Variants in PPP3CB observed in about 807,000 individuals in gnomAD.
PPP3CB encodes the protein serine/threonine-protein phosphatase 2B catalytic subunit beta isoform.
Under a neutral mutation model 66.4 loss-of-function variants are expected in PPP3CB, and 8 were observed. That is an observed-to-expected ratio of 0.12 (90% CI 0.07 to 0.22). PPP3CB has a LOEUF of 0.22. Among genes scored for constraint, PPP3CB ranks in the 10% least tolerant of loss-of-function variants. The probability of loss-of-function intolerance (pLI) is 1.00; values close to 1 mark genes in which losing one functional copy is unlikely to be tolerated. For missense variants in PPP3CB, 319 were observed against 642.5 expected, an observed-to-expected ratio of 0.50 and a Z score of 5.44; for synonymous variants, 208 against 221.2, an observed-to-expected ratio of 0.94 and a Z score of 0.53.
At chr10:73,454,070 C>T (rs2056386685) in intron 10 of PPP3CB, among the ~76,000 whole-genome samples, 1 of 152,092 alleles carries the variant, frequency 6.6e-6, no homozygotes, top group African/African-American at 2.4e-5. Flanking sequence ...GAATATTGTT[C>T]TAATAAAACA....
chr10:73,494,139 T>C (rs1422343939), intron 1 of PPP3CB, among the ~76,000 whole-genome samples: 1 of 152,020 alleles, frequency 6.6e-6, no homozygotes, highest in African/African-American at 2.4e-5. Context: ...GATTTCTTGA[T>C]AGAATGAATG....
At position 73,449,799 on chromosome 10, in the gene PPP3CB, A is replaced by AGCT. The variant is rs1250864093; in HGVS notation, c.1187-3229_1187-3227dup. Among the ~76,000 whole-genome samples the AGCT allele has an allele frequency of 2.0e-5, 3 of 150,716 alleles. No individual in the cohort carries two copies. In the East Asian group the frequency reaches 5.8e-4, roughly 29 times the overall value. ...CAGTCTTATGCCTTTACCTAATCTTAGCTTTTTTTTTTTTGAGACCGAGTC... is the reference window on the plus strand; with the variant it reads ...CAGTCTTATGCCTTTACCTAATCTTAGCTGCTTTTTTTTTTTTGAGACCGAGTC... On this transcript the variant is annotated intron_variant, in intron 10 of 13. Coordinates refer to ENST00000360663, the MANE Select transcript of PPP3CB (RefSeq NM_021132.4).
chr10:73,478,560 G>A lies in PPP3CB; in HGVS notation c.350C>T (p.Pro117Leu). The A allele has an allele frequency of 6.2e-7, 1 of 1,609,508 alleles. No homozygotes were observed. Among genetic ancestry groups the A allele is most frequent in the Non-Finnish European group, 8.5e-7 (1 of 1,175,980 alleles). ...LMKLFEVGGSPANTRYLFLGD... is the reference protein window; with the variant it reads ...LMKLFEVGGSLANTRYLFLGD... ...AAGAAAAAGGTATCGTGTATTAGCA[G>A]GTGATCCTCCTACTTCAAAAAGTTT... Residue 117 changes from proline to leucine, a missense_variant, in exon 3 of 14, where the codon CCT becomes CTT. This residue lies in a region of PPP3CB where 51 missense variants were observed against 139.6 expected (regional missense o/e 0.37). Transcript: ENST00000360663.
At chr10:73,451,526 G>C (rs112445714) in intron 10 of PPP3CB, among the ~76,000 whole-genome samples, 15 of 152,020 alleles carry the variant, frequency 9.9e-5, no homozygotes, top group African/African-American at 3.6e-4. Flanking sequence ...TAGAGCAAGA[G>C]TTCTTGGTCT....
intron 4 of PPP3CB, among the ~76,000 whole-genome samples, chr10:73,472,652 C>T (rs971964198): frequency 2.0e-5 from 3 of 152,092 alleles, no homozygotes; most frequent in Non-Finnish European, 4.4e-5. Flanking sequence ...ATTCTTATTA[C>T]AGGCAAGATG....
At chr10:73,480,436 T>C (rs144037464) in intron 1 of PPP3CB, among the ~76,000 whole-genome samples, 2 of 150,178 alleles carry the variant, frequency 1.3e-5, no homozygotes, top group Non-Finnish European at 3.0e-5. Flanking sequence ...AATTTATCCC[T>C]GTAATTTTTT....
At chr10:73,477,799 C>T (rs559855168) in intron 3 of PPP3CB, among the ~76,000 whole-genome samples, 10 of 152,096 alleles carry the variant, frequency 6.6e-5, no homozygotes, top group African/African-American at 2.4e-4. Flanking sequence ...TACCTGTGGT[C>T]CCAGCTATTT....
Position 73,445,675 on chromosome 10 carries a change from C to T in PPP3CB, c.1268+817G>A, listed in dbSNP as rs562680740. Among the ~76,000 whole-genome samples, 7 of 151,902 alleles carry T rather than the reference C, an allele frequency of 4.6e-5. No individual in the cohort carries two copies. The South Asian group carries it at 1.3e-3, about 27-fold the overall frequency. Reference sequence around the variant, plus strand: ...TGTTTCCTAGCCTGGTCTTGAACTCCGCCCGCTTTGGCCTCCCAAAGTGTT... The same window carrying T: ...TGTTTCCTAGCCTGGTCTTGAACTCTGCCCGCTTTGGCCTCCCAAAGTGTT... On this transcript the variant is annotated intron_variant, in intron 11 of 13. Coordinates refer to ENST00000360663, the MANE Select transcript of PPP3CB (RefSeq NM_021132.4).
intron 9 of PPP3CB, among the ~76,000 whole-genome samples, chr10:73,461,486 G>A (rs1431145956): frequency 6.6e-6 from 1 of 152,072 alleles, no homozygotes; most frequent in Admixed American, 6.6e-5. Flanking sequence ...TGCCTGCTGG[G>A]TTTCAGACTT....
chr10:73,476,566 G>A (rs1384360431), intron 3 of PPP3CB, among the ~76,000 whole-genome samples: 5 of 149,948 alleles, frequency 3.3e-5, no homozygotes, highest in African/African-American at 1.2e-4. Context: ...GCAGTGAGCC[G>A]AGATCACGCC....
At chr10:73,462,949 C>CAAAAA (rs10569079) in intron 9 of PPP3CB, among the ~76,000 whole-genome samples, 2 of 58,820 alleles carry the variant, frequency 3.4e-5, no homozygotes, top group Admixed American at 3.1e-4. Context: ...GACTCTGTCT[C>CAAAAA]AAAAAAAAAA....
At chr10:73,464,661 G>T (rs1352992722) in intron 9 of PPP3CB, among the ~76,000 whole-genome samples, 4 of 152,190 alleles carry the variant, frequency 2.6e-5, no homozygotes, top group African/African-American at 9.7e-5. Context: ...GTTTTTGGCA[G>T]TGGCTCACAC....
intron 4 of PPP3CB, 109 bp downstream of exon 4, chr10:73,474,810 T>C: frequency 1.4e-6 from 2 of 1,426,122 alleles, no homozygotes; most frequent in East Asian, 2.5e-5. Context: ...TGTGTGGACA[T>C]GAAATCTGTC....
intron 9 of PPP3CB, among the ~76,000 whole-genome samples, chr10:73,458,792 G>A (rs750857287): frequency 2.6e-5 from 4 of 151,874 alleles, no homozygotes; most frequent in Non-Finnish European, 5.9e-5. Flanking sequence ...AGCTAAGGCC[G>A]GGCGCAGTGG....
intron 3 of PPP3CB, among the ~76,000 whole-genome samples, chr10:73,476,391 C>A (rs2056789300): frequency 1.3e-5 from 2 of 152,070 alleles, no homozygotes; most frequent in Non-Finnish European, 2.9e-5. Context: ...CCGAGGCAGG[C>A]AGATCACCTG....
At position 73,456,728 on chromosome 10, in the gene PPP3CB, ACT is replaced by A. The variant is rs143012744; in HGVS notation, c.1109-2241_1109-2240del. Among the ~76,000 whole-genome samples the A allele has an allele frequency of 7.8e-3, 1,192 of 152,238 alleles. 19 individuals carry two copies. Among genetic ancestry groups the A allele is most frequent in the African/African-American group, 0.027 (1,112 of 41,526 alleles). On this transcript the variant is annotated intron_variant, in intron 9 of 13. Coordinates refer to ENST00000360663, the MANE Select transcript of PPP3CB (RefSeq NM_021132.4). ...TCAAACACCTAATGTAAGAACTAAA[ACT>A]CTCAGAAAAAAACGGGCAAATCTTT... is the stretch of plus-strand genomic sequence containing the variant.
rs58404946 is a variant in PPP3CB, at chr10:73,485,950, G to GTGTGTGTGTGTGTGTGTGTA, written c.86-6434_86-6433insTACACACACACACACACACA. Among the ~76,000 whole-genome samples, 212 of 124,678 alleles carry GTGTGTGTGTGTGTGTGTGTA rather than the reference G, an allele frequency of 1.7e-3. 6 individuals carry two copies. Among genetic ancestry groups the GTGTGTGTGTGTGTGTGTGTA allele is most frequent in the East Asian group, 0.013 (43 of 3,298 alleles). The allele number at this position is 124,678 out of a possible 152,430, so 81.8% of individuals were successfully genotyped here. A position where few individuals can be genotyped will look rare whatever the true frequency, so the allele number is the denominator to read the frequency against. ...TGTGTGTGTGTGTGTGTGTGTGTGT[G>GTGTGTGTGTGTGTGTGTGTA]TATTTTTTTTTTTCAGATGCAGTCT... On this transcript the variant is annotated intron_variant, in intron 1 of 13. Transcript: ENST00000360663.
chr10:73,488,505 C>T (rs1417170608), intron 1 of PPP3CB, among the ~76,000 whole-genome samples: 2 of 146,642 alleles, frequency 1.4e-5, no homozygotes, highest in African/African-American at 2.5e-5. Context: ...ATGATCATGG[C>T]GCTGCACTAC....
Position 73,471,126 on chromosome 10 carries a change from T to C in PPP3CB, c.753A>G (p.Glu251=). Residue 251 remains glutamate, a synonymous_variant, in exon 6 of 14, where the codon GAA becomes GAG. Coordinates refer to ENST00000360663, the MANE Select transcript of PPP3CB (RefSeq NM_021132.4). ...WSDPSEDFGN[E]KSQEHFSHNT... ...TGTGACTAAAATGTTCCTGTGATTT[T>C]TCATTTCCAAAATCTTCAGAAGGAT... The C allele has an allele frequency of 4.3e-6, 7 of 1,612,284 alleles. No individual in the cohort carries two copies. The highest frequency in any genetic ancestry group is 5.9e-6 in the Non-Finnish European group (7 of 1,178,462).
Sources: allele counts gnomAD v4.1 joint callset (sites outside exome capture counted in the v4.1 genomes callset), GRCh38; gene constraint gnomAD v4.1.1; regional missense constraint gnomAD v4.1.1; transcripts MANE v1.5; gene names NCBI Gene and HGNC (gene_info 2026-07-23, HGNC 2026-07-21).